CLCN5: variants seen among roughly 807,000 people sequenced by gnomAD.
The protein encoded by CLCN5 is Cl-/H+ antiporter 5, also known as H(+)/Cl(-) exchange transporter 5.
CLCN5 carries 17 observed loss-of-function variants against 54.0 expected under a neutral mutation model. The observed-to-expected ratio is 0.31, with a 90% confidence interval of 0.22 to 0.47. The LOEUF (loss-of-function observed/expected upper bound fraction) is 0.47, where lower values mean the gene tolerates loss of function less well. Among genes scored for constraint, CLCN5 ranks in the 20% least tolerant of loss-of-function variants. CLCN5 has a pLI of 1.00. For synonymous variants in CLCN5, 222 were observed against 233.0 expected, an observed-to-expected ratio of 0.95 and a Z score of 0.43; for missense variants, 448 against 646.7, an observed-to-expected ratio of 0.69 and a Z score of 3.33.
chrX:50,075,345 T>C (rs184671221), intron 6 of CLCN5, among the ~76,000 whole-genome samples: 141 of 111,397 alleles, frequency 1.3e-3, no homozygotes, highest in Non-Finnish European at 2.3e-3. Flanking sequence ...TATTCCTCAA[T>C]GTTGGGCAAT....
At chrX:50,017,830 T>C (rs1930867794) in intron 3 of CLCN5, among the ~76,000 whole-genome samples, 1 of 111,998 alleles carries the variant, frequency 8.9e-6, no homozygotes. Context: ...TTCTGTTCTA[T>C]TGATCTATAT....
At chrX:50,062,283 C>T (rs1932867673) in intron 4 of CLCN5, among the ~76,000 whole-genome samples, 1 of 57,059 alleles carries the variant, frequency 1.8e-5, no homozygotes. Flanking sequence ...CAGAGACACA[C>T]ATAGGCTCAA....
intron 3 of CLCN5, among the ~76,000 whole-genome samples, chrX:49,938,485 C>T (rs1436919651): frequency 1.8e-5 from 2 of 111,489 alleles, no homozygotes; most frequent in Non-Finnish European, 3.8e-5. Context: ...AATAATGCCG[C>T]ATATCTACAA....
intron 3 of CLCN5, among the ~76,000 whole-genome samples, chrX:50,010,130 C>A (rs781899569): frequency 8.9e-6 from 1 of 111,806 alleles, no homozygotes; most frequent in Non-Finnish European, 1.9e-5. Flanking sequence ...CCTGCTGTCA[C>A]ATTGATACTT....
chrX:50,013,635 T>C (rs993334318), intron 3 of CLCN5, among the ~76,000 whole-genome samples: 13 of 112,267 alleles, frequency 1.2e-4, no homozygotes, highest in Non-Finnish European at 2.4e-4. Context: ...AGGAGCCTTA[T>C]TATCTAAACT....
chrX:49,969,091 T>G (rs1038714506), intron 3 of CLCN5, among the ~76,000 whole-genome samples: 1 of 111,244 alleles, frequency 9.0e-6, no homozygotes, highest in Non-Finnish European at 1.9e-5. Context: ...TTTCTTTTTT[T>G]TTTTGAGACA....
At chrX:49,939,401 A>G (rs999982417) in intron 3 of CLCN5, among the ~76,000 whole-genome samples, 5 of 111,329 alleles carry the variant, frequency 4.5e-5, no homozygotes, top group Non-Finnish European at 9.4e-5. Flanking sequence ...GTGTCCAGCA[A>G]TGATAGACCG....
intron 3 of CLCN5, among the ~76,000 whole-genome samples, chrX:49,941,675 C>A (rs1390530170): frequency 1.8e-5 from 2 of 110,923 alleles, no homozygotes; most frequent in African/African-American, 6.6e-5. Context: ...CAACTGCAAA[C>A]CAAACTCCAG....
At chrX:50,002,948 A>G (rs1929942714) in intron 3 of CLCN5, among the ~76,000 whole-genome samples, 1 of 111,658 alleles carries the variant, frequency 9.0e-6, no homozygotes, top group South Asian at 3.8e-4. Flanking sequence ...TGTAAATACT[A>G]TACTGGTGTT....
At chrX:50,080,176 G>A (rs1490293368) in intron 7 of CLCN5, among the ~76,000 whole-genome samples, 4 of 111,466 alleles carry the variant, frequency 3.6e-5, no homozygotes, top group Admixed American at 1.9e-4. Context: ...CTTTAGATCC[G>A]CTCTTCACTT....
chrX:50,072,290 C>A (rs1933244340), intron 5 of CLCN5, among the ~76,000 whole-genome samples, 199 bp from the exon 6 acceptor site: 1 of 110,890 alleles, frequency 9.0e-6, no homozygotes, highest in South Asian at 3.7e-4. Flanking sequence ...GTGGGCATTA[C>A]AATACTGTAG....
At chrX:49,960,277 T>C (rs1927532674) in intron 3 of CLCN5, among the ~76,000 whole-genome samples, 1 of 110,612 alleles carries the variant, frequency 9.0e-6, no homozygotes, top group South Asian at 3.8e-4. Flanking sequence ...TTTTCTGTTC[T>C]GTTCCCAGGC....
At chrX:50,066,545 C>G (rs1457655757) in intron 4 of CLCN5, among the ~76,000 whole-genome samples, 1 of 112,095 alleles carries the variant, frequency 8.9e-6, no homozygotes, top group African/African-American at 3.2e-5. Context: ...CAGTGGCTGT[C>G]CTTTGGGTTC....
At chrX:49,944,895 A>G (rs1468430994) in intron 3 of CLCN5, among the ~76,000 whole-genome samples, 1 of 111,957 alleles carries the variant, frequency 8.9e-6, no homozygotes, top group Non-Finnish European at 1.9e-5. Flanking sequence ...CAAAGTAGTC[A>G]TAATATTTAT....
intron 3 of CLCN5, among the ~76,000 whole-genome samples, chrX:49,940,666 C>T (rs1476342342): frequency 8.9e-6 from 1 of 112,123 alleles, no homozygotes; most frequent in Non-Finnish European, 1.9e-5. Flanking sequence ...AAGAATATAG[C>T]ATTTTGGCTA....
intron 4 of CLCN5, chrX:50,054,339 A>G (rs1795616251): frequency 9.0e-6 from 1 of 111,511 alleles, no homozygotes; most frequent in South Asian, 3.8e-4. Context: ...CCTTCTCCCA[A>G]CTGGGATAAG....
At chrX:50,085,513 C>G (rs1237602366) in intron 9 of CLCN5, 4 of 201,901 alleles carry the variant, frequency 2.0e-5, no homozygotes, top group Non-Finnish European at 2.7e-5. Context: ...TGCATGAATA[C>G]TTGCAGCTGC....
intron 8 of CLCN5, among the ~76,000 whole-genome samples, chrX:50,080,977 G>C (rs1314315052): frequency 1.8e-5 from 2 of 111,316 alleles, no homozygotes; most frequent in Non-Finnish European, 3.8e-5. Flanking sequence ...TATCCAAAAA[G>C]CTTCCAGAGT....
Position 50,093,637 on chromosome X carries a change from C to T in CLCN5, c.*1418C>T, listed in dbSNP as rs1934171142. 1 of 111,900 alleles carries T rather than the reference C, an allele frequency of 8.9e-6. No individual in the cohort carries two copies. Among genetic ancestry groups the T allele is most frequent in the African/African-American group, 3.3e-5 (1 of 30,625 alleles). The allele number at this position is 111,900 out of a possible 1,213,427, so 9.2% of individuals were successfully genotyped here. On this transcript the variant is annotated 3_prime_UTR_variant, in exon 15 of 15. Coordinates refer to ENST00000376091, the MANE Select transcript of CLCN5 (RefSeq NM_001127898.4). ...ACCATCATCATTCCAACCACTATTT[C>T]ATTTTCTGTAGTTTTACCTGTGTGC...
Sources: allele counts gnomAD v4.1 joint callset (sites outside exome capture counted in the v4.1 genomes callset), GRCh38; gene constraint gnomAD v4.1.1; transcripts MANE v1.5; gene names NCBI Gene and HGNC (gene_info 2026-07-23, HGNC 2026-07-21).